Variants in PAPPA observed in about 807,000 individuals in gnomAD.
The protein encoded by PAPPA is pappalysin-1.
A neutral mutation model predicts 164.0 loss-of-function variants in PAPPA; 60 were observed. That is an observed-to-expected ratio of 0.37 (90% CI 0.30 to 0.45). The LOEUF (loss-of-function observed/expected upper bound fraction) is 0.45, where lower values mean the gene tolerates loss of function less well. Among genes scored for constraint, PAPPA ranks in the 20% least tolerant of loss-of-function variants. PAPPA has a pLI of 1.00. For missense variants in PAPPA, 1,782 were observed against 2,087.3 expected (o/e 0.85, Z 2.85); for synonymous variants, 875 against 814.1 (o/e 1.07, Z -1.27).
intron 7 of PAPPA, among the ~76,000 whole-genome samples, chr9:116,246,234 T>C (rs1471976677): frequency 6.6e-6 from 1 of 152,158 alleles, no homozygotes; most frequent in Non-Finnish European, 1.5e-5. Context: ...CCTAATGTCC[T>C]CAACAGATTT....
At position 116,188,171 on chromosome 9, in the gene PAPPA, T is replaced by C. The variant is rs764999001; in HGVS notation, c.1433T>C (p.Ile478Thr). Residue 478 changes from isoleucine to threonine, a missense_variant, in exon 2 of 22, where the codon ATC (isoleucine) becomes ACC (threonine). Ile to Thr is a moderately conservative substitution (Grantham distance 89). This residue lies in a region of PAPPA where 1,324 missense variants were observed against 1,656.9 expected (regional missense o/e 0.80). Coordinates refer to ENST00000328252, the MANE Select transcript of PAPPA (RefSeq NM_002581.5). ...GGTGGAGAGTGCTGTGACCCTGAAATCACCAATGTCACTCAGACTTGCTTT... is the reference window on the plus strand; with the variant it reads ...GGTGGAGAGTGCTGTGACCCTGAAACCACCAATGTCACTCAGACTTGCTTT... ...FDGGECCDPEITNVTQTCFDP... is the reference protein window; with the variant it reads ...FDGGECCDPETTNVTQTCFDP... 7 of 1,613,744 alleles carry C rather than the reference T, an allele frequency of 4.3e-6. No individual in the cohort carries two copies. Among genetic ancestry groups the C allele is most frequent in the Non-Finnish European group, 5.9e-6 (7 of 1,179,710 alleles).
At chr9:116,218,658 C>T (rs934808793) in intron 4 of PAPPA, among the ~76,000 whole-genome samples, 2 of 152,050 alleles carry the variant, frequency 1.3e-5, no homozygotes, top group African/African-American at 4.8e-5. Context: ...TTCCAAGCTC[C>T]CTTAGCCTCA....
At chr9:116,349,421 G>A (rs1295103805) in intron 15 of PAPPA, among the ~76,000 whole-genome samples, 2 of 152,166 alleles carry the variant, frequency 1.3e-5, no homozygotes, top group African/African-American at 4.8e-5. Context: ...GCTAGGCTCT[G>A]GGAGTAACGA....
chr9:116,296,132 G>A (rs1845503331), intron 9 of PAPPA, among the ~76,000 whole-genome samples: 1 of 152,136 alleles, frequency 6.6e-6, no homozygotes, highest in African/African-American at 2.4e-5. Context: ...GCAATCCCTT[G>A]GGGTTTAATT....
At position 116,154,204 on chromosome 9, in the gene PAPPA, G is replaced by T. The variant is rs1329374402; in HGVS notation, c.32G>T (p.Gly11Val). The T allele has an allele frequency of 6.7e-7, 1 of 1,481,926 alleles. No homozygotes were observed. The highest frequency in any genetic ancestry group is 9.0e-7 in the Non-Finnish European group (1 of 1,116,638). 91.8% of individuals were successfully genotyped at this position (1,481,926 alleles called of 1,614,324 possible). A position where few individuals can be genotyped will look rare whatever the true frequency, so the allele number is the denominator to read the frequency against. MRLWSWVLHL[G>V]LLSAALGCGL... is the part of the protein sequence containing the mutation. ...CTCTGGAGTTGGGTGCTGCACCTGG[G>T]GCTGCTGAGCGCCGCGCTGGGCTGC... The change falls in exon 1 of 22, where the codon GGG (glycine) becomes GTG (valine). Residue 11 changes from glycine (G) to valine (V), a missense_variant. Around this residue, in one of 2 missense-constraint regions of PAPPA, gnomAD observed 458 missense variants for 430.3 expected, o/e 1.06. Transcript: ENST00000328252. This position sits in a 1 kb window ranked among gnomAD's most constrained non-coding sequence, Gnocchi z 5.2.
chr9:116,207,311 A>G lies in PAPPA; in HGVS notation c.1479-145A>G, dbSNP rs1026634485. ...TGTAAAATGGAATCATCTTACTTAT[A>G]ATATTATTGGGGGAATTCAATAAGG... On this transcript the variant is annotated intron_variant, in intron 2 of 21. Transcript: ENST00000328252. The G allele has an allele frequency of 1.4e-5, 8 of 592,170 alleles. No individual in the cohort carries two copies. In the South Asian group the frequency reaches 2.2e-4, roughly 16 times the overall value. 36.7% of individuals were successfully genotyped at this position (592,170 alleles called of 1,614,324 possible). A position where few individuals can be genotyped will look rare whatever the true frequency, so the allele number is the denominator to read the frequency against.
At chr9:116,157,638 G>C (rs1198209315) in intron 1 of PAPPA, among the ~76,000 whole-genome samples, 1 of 152,054 alleles carries the variant, frequency 6.6e-6, no homozygotes, top group Non-Finnish European at 1.5e-5. Context: ...CTCCTCAGCG[G>C]CAGGAACTAG....
chr9:116,360,526 A>G (rs1846412320), intron 17 of PAPPA, among the ~76,000 whole-genome samples: 1 of 152,130 alleles, frequency 6.6e-6, no homozygotes, highest in Non-Finnish European at 1.5e-5. Context: ...GCCTCAGCCT[A>G]CATCAGTTCT....
At chr9:116,173,291 C>G (rs890186339) in intron 1 of PAPPA, among the ~76,000 whole-genome samples, 2 of 152,070 alleles carry the variant, frequency 1.3e-5, no homozygotes, top group Non-Finnish European at 2.9e-5. Context: ...TGTATCAAAC[C>G]TCTCTCTTTG....
At chr9:116,392,740 C>T (rs978971005) in intron 21 of PAPPA, among the ~76,000 whole-genome samples, 9 of 152,178 alleles carry the variant, frequency 5.9e-5, no homozygotes, top group African/African-American at 2.2e-4. Context: ...ACATTGGGCA[C>T]TCTGAGAGCT....
chr9:116,171,709 T>A (rs1843777670), intron 1 of PAPPA, among the ~76,000 whole-genome samples: 1 of 152,182 alleles, frequency 6.6e-6, no homozygotes, highest in Admixed American at 6.5e-5. Context: ...TGTCCTCATG[T>A]CTGACTTTCT....
chr9:116,353,417 T>C (rs538110109), intron 16 of PAPPA, among the ~76,000 whole-genome samples: 17 of 152,294 alleles, frequency 1.1e-4, no homozygotes, highest in African/African-American at 3.4e-4. Flanking sequence ...GCTGGAAGCA[T>C]GACATTTCTG....
At chr9:116,390,011 G>A (rs900843938) in intron 21 of PAPPA, among the ~76,000 whole-genome samples, 7 of 152,122 alleles carry the variant, frequency 4.6e-5, no homozygotes, top group Middle Eastern at 3.4e-3. Flanking sequence ...CCAATAGTAG[G>A]TACTCAACAC....
chr9:116,241,209 G>C (rs79079804), intron 7 of PAPPA, among the ~76,000 whole-genome samples: 235 of 152,278 alleles, frequency 1.5e-3, no homozygotes, highest in African/African-American at 5.5e-3. Flanking sequence ...GCAAGTATTT[G>C]TTGACTTCCA....
At position 116,254,504 on chromosome 9, in the gene PAPPA, C is replaced by T. The variant is rs985934372; in HGVS notation, c.2733-11353C>T. On this transcript the variant is annotated intron_variant, in intron 7 of 21. Coordinates refer to ENST00000328252, the MANE Select transcript of PAPPA (RefSeq NM_002581.5). ...ACACGTAGAAAGATACTGAAAGGGC[C>T]GGGCGCGGTGGCTCACACCTGTAAT... Among the ~76,000 whole-genome samples the T allele has an allele frequency of 5.3e-5, 8 of 151,968 alleles. No individual in the cohort carries two copies. In the South Asian group the frequency reaches 8.3e-4, roughly 16 times the overall value.
chr9:116,375,261 G>A (rs918639714), intron 19 of PAPPA, among the ~76,000 whole-genome samples: 8 of 152,350 alleles, frequency 5.3e-5, no homozygotes, highest in African/African-American at 1.7e-4. Flanking sequence ...GTGTACTGGG[G>A]ATGGGTAGAC....
At chr9:116,303,664 T>G (rs1845608956) in intron 10 of PAPPA, among the ~76,000 whole-genome samples, 1 of 152,172 alleles carries the variant, frequency 6.6e-6, no homozygotes, top group East Asian at 1.9e-4. Context: ...CACGACTCAG[T>G]GCTTCTGGCT....
At chr9:116,303,558 T>A (rs1345477698) in intron 10 of PAPPA, among the ~76,000 whole-genome samples, 2 of 152,174 alleles carry the variant, frequency 1.3e-5, no homozygotes, top group Non-Finnish European at 2.9e-5. Context: ...AGTGCTTGTA[T>A]GATTCTAGAG....
chr9:116,273,489 G>A (rs369592418), intron 9 of PAPPA, among the ~76,000 whole-genome samples: 13 of 152,220 alleles, frequency 8.5e-5, no homozygotes, highest in African/African-American at 3.1e-4. Context: ...TACCTGTGAA[G>A]TTTATCAACC....
Sources: allele counts gnomAD v4.1 joint callset (sites outside exome capture counted in the v4.1 genomes callset), GRCh38; gene constraint gnomAD v4.1.1; regional missense constraint gnomAD v4.1.1; non-coding constraint Gnocchi (gnomAD v3.1); transcripts MANE v1.5; gene names NCBI Gene and HGNC (gene_info 2026-07-23, HGNC 2026-07-21).